Variants in TMEM181 observed in about 807,000 individuals in gnomAD.
TMEM181 encodes G protein-coupled receptor 178.
In TMEM181, 39 loss-of-function variants were observed where a neutral mutation model predicts 71.9. The ratio of observed to expected loss-of-function variants is 0.54; its 90% confidence interval spans 0.42 to 0.71. The LOEUF is 0.71. Among genes scored for constraint, TMEM181 ranks in the 30% least tolerant of loss-of-function variants. TMEM181 has a pLI of 0.00. For missense variants in TMEM181, 595 were observed against 583.0 expected, an observed-to-expected ratio of 1.02 and a Z score of -0.21; for synonymous variants, 245 against 228.8, an observed-to-expected ratio of 1.07 and a Z score of -0.64.
intron 6 of TMEM181, among the ~76,000 whole-genome samples, chr6:158,591,558 T>G (rs1190990911): frequency 6.6e-6 from 1 of 151,974 alleles, no homozygotes; most frequent in African/African-American, 2.4e-5. Flanking sequence ...CCATTCATGG[T>G]GCAGTGGGGG....
At chr6:158,630,413 T>C (rs528818694) in intron 15 of TMEM181, among the ~76,000 whole-genome samples, 20 of 152,094 alleles carry the variant, frequency 1.3e-4, no homozygotes, top group African/African-American at 4.6e-4. Context: ...GGACGGTCGC[T>C]TGAGCCCAAG....
rs1467886865 is a variant in TMEM181, at chr6:158,608,461, C to G, written c.802C>G (p.Gln268Glu). ...GTGCGTGTACCACGGGATTCGTGTC[C>G]AGGTGAGCCGGAGCCGCCCTCACTG... ...WLCVYHGIRV[Q>E]GERKCLTFYL... The change falls in exon 9 of 17, where the codon CAG becomes GAG. Residue 268 changes from glutamine to glutamate, a missense_variant and splice_region_variant. Coordinates refer to ENST00000684151, the MANE Select transcript of TMEM181 (RefSeq NM_001376852.1). 6.2e-7 allele frequency: 1 copy of G among 1,614,156 alleles called. No homozygotes were observed. The highest frequency in any genetic ancestry group is 1.1e-5 in the South Asian group (1 of 91,072).
chr6:158,573,915 G>A (rs1005298383), intron 2 of TMEM181, among the ~76,000 whole-genome samples: 20 of 152,298 alleles, frequency 1.3e-4, no homozygotes, highest in African/African-American at 4.8e-4. Context: ...GGGGAGGGGA[G>A]GAGAGTGGGG....
chr6:158,549,211 G>A (rs867866539), intron 1 of TMEM181, among the ~76,000 whole-genome samples: 2 of 150,994 alleles, frequency 1.3e-5, no homozygotes, highest in South Asian at 2.1e-4. Flanking sequence ...TCCGCCTCCC[G>A]GGTTCAAGCA....
At chr6:158,587,338 C>G (rs191885949) in intron 5 of TMEM181, among the ~76,000 whole-genome samples, 1 of 152,140 alleles carries the variant, frequency 6.6e-6, no homozygotes, top group Non-Finnish European at 1.5e-5. Flanking sequence ...TTCCCGCTTC[C>G]GTTGTTGGCC....
At chr6:158,603,866 G>A (rs751728055) in intron 6 of TMEM181, among the ~76,000 whole-genome samples, 6 of 152,040 alleles carry the variant, frequency 3.9e-5, no homozygotes, top group Admixed American at 1.3e-4. Context: ...ATTATTGATT[G>A]CTAGGTTTTA....
chr6:158,560,059 C>T, upstream of TMEM181: 7 of 985,124 alleles, frequency 7.1e-6, no homozygotes, highest in Non-Finnish European at 8.4e-6. Context: ...AGAGTCGCTT[C>T]CGCGCACGTG....
chr6:158,544,932 A>C (rs146949979), intron 1 of TMEM181, among the ~76,000 whole-genome samples: 256 of 152,372 alleles, frequency 1.7e-3, no homozygotes, highest in African/African-American at 5.8e-3. Context: ...AATGAAAGAA[A>C]AGTAATTTAT....
intron 3 of TMEM181, among the ~76,000 whole-genome samples, chr6:158,583,431 A>C (rs573355200): frequency 6.6e-6 from 1 of 152,262 alleles, no homozygotes; most frequent in African/African-American, 2.4e-5. Flanking sequence ...GATTTCTGTG[A>C]GAGACAGACG....
chr6:158,541,269 T>C (rs184826258), intron 1 of TMEM181, among the ~76,000 whole-genome samples: 3 of 151,866 alleles, frequency 2.0e-5, no homozygotes, highest in Non-Finnish European at 2.9e-5. Context: ...AAACAAAAAT[T>C]AGCAGGGCGT....
At chr6:158,604,551 C>G (rs770293583) in intron 6 of TMEM181, among the ~76,000 whole-genome samples, 2 of 152,132 alleles carry the variant, frequency 1.3e-5, no homozygotes, top group Non-Finnish European at 2.9e-5. Flanking sequence ...GCAGCAGTGC[C>G]CCTGTCCTCG....
intron 1 of TMEM181, among the ~76,000 whole-genome samples, chr6:158,549,613 A>G (rs1781654768): frequency 6.6e-6 from 1 of 152,250 alleles, no homozygotes; most frequent in Non-Finnish European, 1.5e-5. Flanking sequence ...AAAGCATTGC[A>G]GTGGGAATAG....
intron 10 of TMEM181, among the ~76,000 whole-genome samples, chr6:158,623,019 A>C (rs1476844317): frequency 6.6e-6 from 1 of 152,190 alleles, no homozygotes; most frequent in Non-Finnish European, 1.5e-5. Context: ...TTCACGGAGT[A>C]GCTCCGTTTC....
intron 1 of TMEM181, among the ~76,000 whole-genome samples, chr6:158,566,803 C>T (rs970580215): frequency 3.3e-5 from 5 of 151,850 alleles, no homozygotes; most frequent in African/African-American, 9.7e-5. Context: ...GGAAGTTTTC[C>T]AGCTCCTGTC....
At chr6:158,567,266 G>T (rs1782565634) in intron 1 of TMEM181, among the ~76,000 whole-genome samples, 1 of 152,162 alleles carries the variant, frequency 6.6e-6, no homozygotes, top group South Asian at 2.1e-4. Context: ...TAGCTGGGCC[G>T]AGGACTTCCT....
At chr6:158,546,832 C>T (rs1446991518) in intron 1 of TMEM181, among the ~76,000 whole-genome samples, 16 of 151,988 alleles carry the variant, frequency 1.1e-4, no homozygotes, top group South Asian at 4.1e-4. Flanking sequence ...TGGTGGTGGG[C>T]GCCTGTAGTC....
At chr6:158,579,428 G>A (rs1783347625) in intron 2 of TMEM181, among the ~76,000 whole-genome samples, 1 of 151,310 alleles carries the variant, frequency 6.6e-6, no homozygotes, top group Non-Finnish European at 1.5e-5. Flanking sequence ...GCCTTAAAAA[G>A]TAAGGAAGTT....
At chr6:158,567,504 G>T (rs186312659) in intron 1 of TMEM181, among the ~76,000 whole-genome samples, 15 of 152,330 alleles carry the variant, frequency 9.8e-5, no homozygotes, top group Admixed American at 3.3e-4. Flanking sequence ...GTGGGCAGCC[G>T]TGAGAGATGG....
At chr6:158,554,291 G>A (rs1300307287) in intron 1 of TMEM181, among the ~76,000 whole-genome samples, 1 of 152,056 alleles carries the variant, frequency 6.6e-6, no homozygotes, top group African/African-American at 2.4e-5. Context: ...TCACCATGTC[G>A]GTCAGGCTGA....
Sources: gnomAD v4.1 joint callset for allele counts (sites outside exome capture counted in the v4.1 genomes callset) on GRCh38, gnomAD v4.1.1 for gene constraint, MANE v1.5 for transcripts, NCBI Gene and HGNC (gene_info 2026-07-23, HGNC 2026-07-21) for gene names.